Variants in HERC2 observed in about 807,000 individuals in gnomAD.
HERC2 encodes the protein HECT and RLD domain containing E3 ubiquitin protein ligase 2, also known as E3 ubiquitin-protein ligase HERC2.
A neutral mutation model predicts 537.7 loss-of-function variants in HERC2; 102 were observed. That is an observed-to-expected ratio of 0.19 (90% CI 0.16 to 0.22). The LOEUF is 0.22. Ranked by LOEUF, HERC2 falls within the 10% of genes least tolerant of loss-of-function variation. HERC2 has a pLI of 1.00. For missense variants in HERC2, 4,236 were observed against 6,198.2 expected, an observed-to-expected ratio of 0.68 and a Z score of 10.63; for synonymous variants, 2,224 against 2,466.2, an observed-to-expected ratio of 0.90 and a Z score of 2.91.
rs549900419 is a variant in HERC2 at position 28,240,990 on chromosome 15, G to A, written c.3578-2218C>T. Among the ~76,000 whole-genome samples, 148 of 152,294 alleles carry A rather than the reference G, an allele frequency of 9.7e-4. No individual in the cohort carries two copies. The Middle Eastern group carries it at 0.014, about 14-fold the overall frequency. The stretch of plus-strand genomic sequence containing the variant: ...TCTTCATGACACTGAATTTGGTGAC[G>A]TGTCTTGAATAGGACACCAAAAGCA... On this transcript the variant is annotated intron_variant, in intron 23 of 92. Coordinates refer to ENST00000261609, the MANE Select transcript of HERC2 (RefSeq NM_004667.6).
chr15:28,201,523 G>T lies in HERC2; in HGVS notation c.7649C>A (p.Thr2550Lys), dbSNP rs748935454. 9.9e-6 allele frequency: 16 copies of T among 1,613,068 alleles called. No homozygotes were observed. The highest frequency in any genetic ancestry group is 1.7e-6 in the Non-Finnish European group (2 of 1,179,208). The change falls in exon 48 of 93, where the codon ACG (threonine) becomes AAG (lysine). Residue 2550 changes from threonine to lysine, a missense_variant. Physicochemically the swap from Thr to Lys is moderately conservative, Grantham distance 78. Coordinates refer to ENST00000261609, the MANE Select transcript of HERC2 (RefSeq NM_004667.6). Reference sequence around the variant, plus strand: ...CAAGAAATCAGCTCGTTTTTTGTACGTCTGGCTCTCCGTCACAACAGCACC... The same window carrying T: ...CAAGAAATCAGCTCGTTTTTTGTACTTCTGGCTCTCCGTCACAACAGCACC... ...STGAVVTESQ[T>K]YKKRADFLSN...
At chr15:28,293,219 C>T (rs1393914453) in intron 3 of HERC2, among the ~76,000 whole-genome samples, 197 bp from the exon 4 acceptor site, 2 of 152,160 alleles carry the variant, frequency 1.3e-5, no homozygotes, top group Admixed American at 6.5e-5. Context: ...ATCGGCCAGG[C>T]GTGGTGGCTC....
chr15:28,316,622 C>T (rs1222236531), intron 2 of HERC2, among the ~76,000 whole-genome samples: 2 of 152,108 alleles, frequency 1.3e-5, no homozygotes, highest in African/African-American at 4.8e-5. Flanking sequence ...GAGGTAAAAA[C>T]CACCCTTAGA....
intron 20 of HERC2, among the ~76,000 whole-genome samples, chr15:28,253,230 T>C (rs2075140702): frequency 6.6e-6 from 1 of 152,256 alleles, no homozygotes; most frequent in African/African-American, 2.4e-5. Flanking sequence ...AGGCTGACTC[T>C]GACTTCTTCT....
chr15:28,255,220 T>C (rs2140888836), intron 19 of HERC2, among the ~76,000 whole-genome samples: 1 of 152,096 alleles, frequency 6.6e-6, no homozygotes, highest in African/African-American at 2.4e-5. Context: ...CTGTGGTCCC[T>C]GCAAAACAGG....
chr15:28,213,759 A>G lies in HERC2; in HGVS notation c.6769T>C (p.Leu2257=), dbSNP rs748785395. The change falls in exon 42 of 93, where the codon TTG becomes CTG. Residue 2257 remains leucine, a synonymous_variant. Transcript: ENST00000261609. The part of the protein sequence containing the change: ...SDMRTCRVCP[L]NQLKPLPAVA... The stretch of plus-strand genomic sequence containing the variant: ...TCACCTACTGGTTTCAGCTGATTCA[A>G]TGGGCAAACGCGACACGTCCGCATG... The G allele has an allele frequency of 3.7e-6, 6 of 1,613,882 alleles. No homozygotes were observed. The South Asian group carries it at 5.5e-5, about 15-fold the overall frequency.
intron 56 of HERC2, 85 bp from the exon 57 acceptor site, chr15:28,182,597 A>G (rs1895928580): frequency 6.8e-6 from 7 of 1,021,938 alleles, no homozygotes; most frequent in Non-Finnish European, 8.6e-6. Flanking sequence ...AAGCAACCTC[A>G]AGCACTCAAA....
intron 35 of HERC2, 125 bp downstream of exon 35, chr15:28,228,093 T>C (rs534066690): frequency 2.4e-5 from 20 of 828,180 alleles, no homozygotes; most frequent in Non-Finnish European, 7.5e-6. Flanking sequence ...ATGGTACACT[T>C]CCTATTTGTG....
chr15:28,165,118 G>T (rs1285221588), intron 68 of HERC2, among the ~76,000 whole-genome samples: 3 of 152,214 alleles, frequency 2.0e-5, no homozygotes, highest in Non-Finnish European at 4.4e-5. Flanking sequence ...ACACATGGGG[G>T]GTTGGAGAGA....
chr15:28,260,444 C>T (rs1027526154), intron 16 of HERC2, among the ~76,000 whole-genome samples: 1 of 152,190 alleles, frequency 6.6e-6, no homozygotes, highest in African/African-American at 2.4e-5. Flanking sequence ...CTGCCTTCCC[C>T]TACAGTCAGG....
At chr15:28,115,351 A>G in intron 89 of HERC2, 78 bp downstream of exon 89, 1 of 935,246 alleles carries the variant, frequency 1.1e-6, no homozygotes, top group East Asian at 2.7e-5. Context: ...CAGAGTTCAC[A>G]GCCTGACCGG....
chr15:28,161,787 A>C (rs572649122), intron 69 of HERC2, among the ~76,000 whole-genome samples: 2 of 152,352 alleles, frequency 1.3e-5, no homozygotes, highest in East Asian at 3.9e-4. Flanking sequence ...TTAAAGCTGT[A>C]ATAGTTAAAA....
At chr15:28,148,945 C>T (rs908550884) in intron 70 of HERC2, among the ~76,000 whole-genome samples, 18 of 151,278 alleles carry the variant, frequency 1.2e-4, no homozygotes, top group Admixed American at 2.0e-4. Flanking sequence ...TCACCGAGAA[C>T]GGCCACACCA....
rs113615621 is a variant in HERC2, at chr15:28,206,559, T to C, written c.7070-177A>G. The stretch of plus-strand genomic sequence containing the variant: ...AACAAAAACTAGACTCTAGGTTGGG[T>C]GCGGTGGCTCACGCGTGTAATCCCT... On this transcript the variant is annotated intron_variant, in intron 44 of 92. Coordinates refer to ENST00000261609, the MANE Select transcript of HERC2 (RefSeq NM_004667.6). Among the ~76,000 whole-genome samples the C allele has an allele frequency of 3.2e-3, 482 of 151,458 alleles. 3 individuals are homozygous for C. The highest frequency in any genetic ancestry group is 0.011 in the African/African-American group (444 of 41,034).
intron 31 of HERC2, 106 bp downstream of exon 31, chr15:28,230,261 C>A: frequency 8.7e-7 from 1 of 1,147,642 alleles, no homozygotes; most frequent in South Asian, 1.2e-5. Context: ...ATGTTTCTAA[C>A]AACCGCCCGT....
chr15:28,162,342 A>T (rs1893691072), intron 69 of HERC2, among the ~76,000 whole-genome samples: 2 of 152,224 alleles, frequency 1.3e-5, no homozygotes, highest in African/African-American at 2.4e-5. Context: ...CCTTAGACGA[A>T]AACTTGGAAG....
intron 25 of HERC2, among the ~76,000 whole-genome samples, chr15:28,237,478 TATGACAAGTATTCG>T (rs1295205839): frequency 6.6e-6 from 1 of 152,172 alleles, no homozygotes; most frequent in Non-Finnish European, 1.5e-5. Context: ...GCAACAAAAC[TATGACAAGTATTCG>T]ATGACAAGTA....
intron 79 of HERC2, among the ~76,000 whole-genome samples, chr15:28,133,649 C>G (rs1036134227): frequency 5.3e-5 from 8 of 152,130 alleles, no homozygotes; most frequent in African/African-American, 1.7e-4. Flanking sequence ...AATTTAAGTT[C>G]ATTTCTTGCC....
intron 26 of HERC2, among the ~76,000 whole-genome samples, chr15:28,236,282 G>A (rs2346098): frequency 0.024 from 3,602 of 151,692 alleles, 66 homozygotes; most frequent in African/African-American, 0.038. Flanking sequence ...ATCATCATCA[G>A]CTGTGTTGAA....
Sources: gnomAD v4.1 joint callset for allele counts (sites outside exome capture counted in the v4.1 genomes callset) on GRCh38, gnomAD v4.1.1 for gene constraint, MANE v1.5 for transcripts, NCBI Gene and HGNC (gene_info 2026-07-23, HGNC 2026-07-21) for gene names.